The following GRIP1 variants were observed in gnomAD, a reference collection of about 807,000 sequenced individuals.
The protein encoded by GRIP1 is glutamate receptor interacting protein 1.
A neutral mutation model predicts 129.9 loss-of-function variants in GRIP1; 45 were observed. That is an observed-to-expected ratio of 0.35 (90% CI 0.27 to 0.44). GRIP1 has a LOEUF of 0.44. GRIP1 is among the 20% of genes least tolerant of loss of function. The probability of loss-of-function intolerance (pLI) is 1.00; values close to 1 mark genes in which losing one functional copy is unlikely to be tolerated. For synonymous variants in GRIP1, 530 were observed against 520.8 expected (o/e 1.02, Z -0.24); for missense variants, 1,196 against 1,396.8 (o/e 0.86, Z 2.29).
At chr12:66,782,012 A>G (rs926100370) in intron 1 of GRIP1, among the ~76,000 whole-genome samples, 2 of 152,248 alleles carry the variant, frequency 1.3e-5, no homozygotes, top group Admixed American at 6.5e-5. Context: ...ATAACATTAC[A>G]TTCCAGATCA....
At chr12:66,883,030 T>C (rs780421504) in intron 1 of GRIP1, among the ~76,000 whole-genome samples, 11 of 152,098 alleles carry the variant, frequency 7.2e-5, no homozygotes, top group Non-Finnish European at 1.6e-4. Context: ...CCCCTCACAT[T>C]ACATCCATCT....
upstream of GRIP1, among the ~76,000 whole-genome samples, chr12:66,808,875 T>C (rs1259273314): frequency 6.6e-6 from 1 of 152,190 alleles, no homozygotes; most frequent in Non-Finnish European, 1.5e-5. Flanking sequence ...ATGGTTGAAG[T>C]ACTATCCTGA....
At chr12:66,835,802 A>G (rs145250592) in intron 1 of GRIP1, among the ~76,000 whole-genome samples, 6 of 152,314 alleles carry the variant, frequency 3.9e-5, no homozygotes, top group African/African-American at 1.4e-4. Context: ...TTTGCGTGAT[A>G]CCCCATTGGT....
At chr12:66,795,908 A>G (rs376262594) in intron 1 of GRIP1, among the ~76,000 whole-genome samples, 14 of 152,168 alleles carry the variant, frequency 9.2e-5, no homozygotes, top group South Asian at 2.1e-4. Flanking sequence ...GAAAACAAAC[A>G]ACGACTATAA....
intron 1 of GRIP1, among the ~76,000 whole-genome samples, chr12:66,845,208 G>T (rs1052829281): frequency 6.6e-6 from 1 of 152,196 alleles, no homozygotes; most frequent in African/African-American, 2.4e-5. Context: ...TATAATCCCA[G>T]CACTTTGAGA....
At chr12:66,924,868 G>A (rs2041270972) in intron 1 of GRIP1, among the ~76,000 whole-genome samples, 1 of 152,206 alleles carries the variant, frequency 6.6e-6, no homozygotes, top group African/African-American at 2.4e-5. Flanking sequence ...TACTCGGGAG[G>A]CTGAGGCAGG....
At chr12:66,526,928 C>T (rs1475275480) in intron 5 of GRIP1, among the ~76,000 whole-genome samples, 1 of 137,212 alleles carries the variant, frequency 7.3e-6, no homozygotes, top group African/African-American at 2.8e-5. Flanking sequence ...TGAAGAAATG[C>T]TCATCATCAC....
At chr12:66,850,100 C>T (rs533746459) in intron 1 of GRIP1, among the ~76,000 whole-genome samples, 19 of 152,060 alleles carry the variant, frequency 1.2e-4, no homozygotes, top group African/African-American at 3.4e-4. Context: ...CTAAACAGAA[C>T]GGTAATCGGT....
At chr12:66,421,460 CT>C (rs1286393160) in intron 14 of GRIP1, among the ~76,000 whole-genome samples, 6 of 152,110 alleles carry the variant, frequency 3.9e-5, no homozygotes, top group African/African-American at 1.4e-4. Flanking sequence ...AGGAGAATTG[CT>C]TTTACCCAGG....
chr12:66,559,795 A>G (rs1592549704), intron 2 of GRIP1, among the ~76,000 whole-genome samples: 2 of 152,120 alleles, frequency 1.3e-5, no homozygotes, highest in East Asian at 3.8e-4. Context: ...TATCAATGAC[A>G]TTCTTCACAG....
chr12:66,391,449 C>T (rs1379962654), intron 19 of GRIP1, among the ~76,000 whole-genome samples: 6 of 152,174 alleles, frequency 3.9e-5, no homozygotes, highest in African/African-American at 1.4e-4. Context: ...GTTTATATTC[C>T]ATGAGTGAGG....
At chr12:66,439,013 T>C (rs980247947) in intron 13 of GRIP1, among the ~76,000 whole-genome samples, 2 of 152,116 alleles carry the variant, frequency 1.3e-5, no homozygotes, top group Admixed American at 6.6e-5. Flanking sequence ...TAGAGAGTGA[T>C]AGATGGCCAG....
rs1388682408 is a variant in GRIP1 at position 66,347,791 on chromosome 12, A to G, written c.*1228T>C. 1 of 152,218 alleles carries G rather than the reference A, an allele frequency of 6.6e-6. No homozygotes were observed. Among genetic ancestry groups the G allele is most frequent in the Admixed American group, 6.5e-5 (1 of 15,284 alleles). 9.4% of individuals were successfully genotyped at this position (152,218 alleles called of 1,614,324 possible). A position where few individuals can be genotyped will look rare whatever the true frequency, so the allele number is the denominator to read the frequency against. Reference sequence around the variant, plus strand: ...TTATATTTCCTTAAACAAAGGACACAGTGTTCGAATACTTTGCCTAAGTGG... The same window carrying G: ...TTATATTTCCTTAAACAAAGGACACGGTGTTCGAATACTTTGCCTAAGTGG... On this transcript the variant is annotated 3_prime_UTR_variant, in exon 25 of 25. Transcript: ENST00000359742.
chr12:66,531,255 ATAT>A (rs1565833796), intron 4 of GRIP1, among the ~76,000 whole-genome samples: 68 of 4,798 alleles, frequency 0.014, no homozygotes, highest in South Asian at 0.02. Context: ...AAAAAAAAAT[ATAT>A]ATATATATAT....
chr12:66,775,645 G>A (rs1048129126), intron 1 of GRIP1, among the ~76,000 whole-genome samples: 1 of 151,954 alleles, frequency 6.6e-6, no homozygotes, highest in Non-Finnish European at 1.5e-5. Context: ...ACTGGACAGA[G>A]ACCTTTCATT....
chr12:66,966,323 T>G (rs2041997939), intron 1 of GRIP1, among the ~76,000 whole-genome samples: 1 of 152,144 alleles, frequency 6.6e-6, no homozygotes, highest in African/African-American at 2.4e-5. Flanking sequence ...AGTTTTAGAT[T>G]TATAGAAAAA....
chr12:66,394,147 G>T (rs1349234681), intron 17 of GRIP1, 61 bp downstream of exon 17: 6 of 1,457,906 alleles, frequency 4.1e-6, no homozygotes, highest in Non-Finnish European at 5.8e-6. Flanking sequence ...TTTTTATGTG[G>T]TTGTGAGGAA....
intron 5 of GRIP1, among the ~76,000 whole-genome samples, chr12:66,522,329 C>A (rs2061043166): frequency 6.6e-6 from 1 of 152,142 alleles, no homozygotes; most frequent in Non-Finnish European, 1.5e-5. Flanking sequence ...CAGGCAGCAG[C>A]ATTTGCGGAT....
chr12:66,784,809 T>A (rs1158350208), intron 1 of GRIP1, among the ~76,000 whole-genome samples: 1 of 152,178 alleles, frequency 6.6e-6, no homozygotes. Flanking sequence ...TATTTTTCTA[T>A]AAAGTCTCGT....
Sources: allele counts gnomAD v4.1 joint callset (sites outside exome capture counted in the v4.1 genomes callset), GRCh38; gene constraint gnomAD v4.1.1; transcripts MANE v1.5; gene names NCBI Gene and HGNC (gene_info 2026-07-23, HGNC 2026-07-21).